The following SPPL3 variants were observed in gnomAD, a reference collection of about 807,000 sequenced individuals.
SPPL3 encodes signal peptide peptidase like 3.
A neutral mutation model predicts 42.4 loss-of-function variants in SPPL3; 5 were observed. That is an observed-to-expected ratio of 0.12 (90% CI 0.06 to 0.25). The LOEUF is 0.25. Ranked by LOEUF, SPPL3 falls within the 10% of genes least tolerant of loss-of-function variation. The probability of loss-of-function intolerance (pLI) is 1.00; values close to 1 mark genes in which losing one functional copy is unlikely to be tolerated. For synonymous variants in SPPL3, 195 were observed against 181.8 expected (o/e 1.07, Z -0.58); for missense variants, 235 against 489.0 (o/e 0.48, Z 4.90).
intron 2 of SPPL3, among the ~76,000 whole-genome samples, chr12:120,801,504 T>C (rs1870295429): frequency 6.6e-6 from 1 of 152,032 alleles, no homozygotes; most frequent in South Asian, 2.1e-4. Context: ...ATTAATCTGC[T>C]ATTTGTCAGT....
chr12:120,844,882 G>C (rs1014447844), intron 1 of SPPL3, among the ~76,000 whole-genome samples: 10 of 150,752 alleles, frequency 6.6e-5, no homozygotes, highest in Non-Finnish European at 1.0e-4. Flanking sequence ...AAAAAAAAAA[G>C]CTGACTAATA....
At chr12:120,864,206 T>C (rs1446084543) in intron 1 of SPPL3, among the ~76,000 whole-genome samples, 2 of 152,192 alleles carry the variant, frequency 1.3e-5, no homozygotes, top group African/African-American at 4.8e-5. Flanking sequence ...ATTCCATCTA[T>C]TACCACTGAT....
At chr12:120,851,369 T>C (rs1242659093) in intron 1 of SPPL3, among the ~76,000 whole-genome samples, 1 of 152,026 alleles carries the variant, frequency 6.6e-6, no homozygotes. Context: ...AACTGCAATC[T>C]ACCAAAAAAA....
intron 1 of SPPL3, among the ~76,000 whole-genome samples, chr12:120,894,253 G>C (rs1397750485): frequency 1.3e-5 from 2 of 152,216 alleles, no homozygotes; most frequent in African/African-American, 4.8e-5. Context: ...GAACCCGGGA[G>C]GCAGAGGTTG....
intron 1 of SPPL3, among the ~76,000 whole-genome samples, chr12:120,901,622 C>T (rs1215292097): frequency 2.7e-5 from 4 of 150,892 alleles, no homozygotes; most frequent in African/African-American, 9.7e-5. Context: ...GGAAACTGCC[C>T]ACTTTCCCCA....
chr12:120,782,799 G>A (rs374251766), intron 5 of SPPL3, 32 bp from the exon 6 acceptor site: 446 of 1,501,660 alleles, frequency 3.0e-4, no homozygotes, highest in Non-Finnish European at 3.9e-4. Flanking sequence ...TTGGACAGTG[G>A]GCACACTTTA....
chr12:120,805,231 A>C (rs1046004827), intron 2 of SPPL3, among the ~76,000 whole-genome samples: 4 of 152,220 alleles, frequency 2.6e-5, no homozygotes, highest in South Asian at 2.1e-4. Flanking sequence ...TATGGTATTT[A>C]TCTCTCAATA....
At position 120,870,625 on chromosome 12, in the gene SPPL3, T is replaced by C. The variant is rs1276878572; in HGVS notation, c.23+33220A>G. 2.0e-5 allele frequency among the ~76,000 whole-genome samples: 3 copies of C among 152,118 alleles called. No homozygotes were observed. The East Asian group carries it at 5.8e-4, about 29-fold the overall frequency. ...GGGTAAGAAAAATGTGGCCTATCTA[T>C]ACATTCAAATATTACTCAGCTTTAA... On this transcript the variant is annotated intron_variant, in intron 1 of 10. Coordinates refer to ENST00000353487, the MANE Select transcript of SPPL3 (RefSeq NM_139015.5).
At chr12:120,903,636 C>A (rs1874054487) in intron 1 of SPPL3, 1 of 481,048 alleles carries the variant, frequency 2.1e-6, no homozygotes, top group Non-Finnish European at 3.7e-6. Context: ...CCTCCATTCC[C>A]CTTCTCGGAC....
chr12:120,768,583 T>C (rs1868992067), intron 7 of SPPL3, 95 bp from the exon 8 acceptor site: 3 of 1,331,296 alleles, frequency 2.3e-6, no homozygotes, highest in Admixed American at 2.1e-5. Flanking sequence ...AGTCTCAGAA[T>C]GCTGTGACTG....
chr12:120,844,849 T>A (rs1407158505), intron 1 of SPPL3, among the ~76,000 whole-genome samples: 2 of 151,696 alleles, frequency 1.3e-5, no homozygotes, highest in African/African-American at 2.4e-5. Flanking sequence ...AACAGAAAGT[T>A]GACTTTCCTT....
chr12:120,783,109 AG>A (rs1337857049), intron 5 of SPPL3, among the ~76,000 whole-genome samples: 1 of 152,222 alleles, frequency 6.6e-6, no homozygotes. Context: ...CATTTACCAA[AG>A]ATGGTATCAC....
chr12:120,866,561 A>C (rs1188014629), intron 1 of SPPL3, among the ~76,000 whole-genome samples: 1 of 152,182 alleles, frequency 6.6e-6, no homozygotes, highest in Admixed American at 6.5e-5. Context: ...TATCCTGAAA[A>C]AGGCATGTTC....
At chr12:120,897,434 T>G (rs1222981734) in intron 1 of SPPL3, among the ~76,000 whole-genome samples, 1 of 152,170 alleles carries the variant, frequency 6.6e-6, no homozygotes, top group African/African-American at 2.4e-5. Context: ...TTTAAAATAA[T>G]GAGCAAGGGC....
chr12:120,778,384 T>C (rs962423186), intron 6 of SPPL3, among the ~76,000 whole-genome samples: 2 of 152,074 alleles, frequency 1.3e-5, no homozygotes, highest in Non-Finnish European at 2.9e-5. Flanking sequence ...CCCAAAGTGC[T>C]GGGATTACAA....
Position 120,810,888 on chromosome 12 carries a change from T to C in SPPL3, c.24-2A>G. 6.2e-7 allele frequency: 1 copy of C among 1,611,728 alleles called. No individual in the cohort carries two copies. Among genetic ancestry groups the C allele is most frequent in the South Asian group, 1.1e-5 (1 of 90,994 alleles). On this transcript the variant is annotated splice_acceptor_variant, in intron 1 of 10. Coordinates refer to ENST00000353487, the MANE Select transcript of SPPL3 (RefSeq NM_139015.5). LOFTEE classifies it high-confidence loss of function. ...CTGGAATCCACCAGGGAATAGGCCC[T>C]AGAGAAATAAGAGGAAAAAAATTTA... is the stretch of plus-strand genomic sequence containing the variant.
intron 1 of SPPL3, among the ~76,000 whole-genome samples, chr12:120,886,425 T>C (rs986655149): frequency 6.6e-6 from 1 of 152,172 alleles, no homozygotes; most frequent in Non-Finnish European, 1.5e-5. Context: ...TCTAACCAAG[T>C]GAGCTGTGTG....
At chr12:120,797,845 A>T (rs910537300) in intron 2 of SPPL3, among the ~76,000 whole-genome samples, 14 of 152,150 alleles carry the variant, frequency 9.2e-5, no homozygotes, top group African/African-American at 3.4e-4. Context: ...CTATGACTCA[A>T]AATTTCTTAC....
intron 1 of SPPL3, among the ~76,000 whole-genome samples, chr12:120,823,875 A>T (rs925046045): frequency 1.4e-4 from 21 of 147,720 alleles, no homozygotes; most frequent in Admixed American, 3.4e-4. Context: ...TCACAAAGAC[A>T]TTTTTTTTTT....
Sources: gnomAD v4.1 joint callset for allele counts (sites outside exome capture counted in the v4.1 genomes callset) on GRCh38, gnomAD v4.1.1 for gene constraint, MANE v1.5 for transcripts, NCBI Gene and HGNC (gene_info 2026-07-23, HGNC 2026-07-21) for gene names.